Variants in CACHD1 observed in about 807,000 individuals in gnomAD.
CACHD1 encodes the protein cache domain containing 1.
CACHD1 carries 71 observed loss-of-function variants against 138.7 expected under a neutral mutation model. The observed-to-expected ratio is 0.51, with a 90% CI of 0.42 to 0.62. The LOEUF is 0.62. CACHD1 is among the 20% of genes least tolerant of loss of function. The pLI, the probability that CACHD1 is intolerant of heterozygous loss-of-function variation, is 0.00. For synonymous variants in CACHD1, 578 were observed against 591.5 expected (o/e 0.98, Z 0.33); for missense variants, 1,389 against 1,625.3 (o/e 0.85, Z 2.50).
intron 2 of CACHD1, among the ~76,000 whole-genome samples, chr1:64,574,913 A>G (rs1055366191): frequency 2.0e-5 from 3 of 152,154 alleles, no homozygotes; most frequent in Non-Finnish European, 2.9e-5. Context: ...GCTTTCCCCC[A>G]CAAGACCTTG....
At chr1:64,606,272 G>A (rs1258425872) in intron 4 of CACHD1, among the ~76,000 whole-genome samples, 1 of 152,154 alleles carries the variant, frequency 6.6e-6, no homozygotes, top group Non-Finnish European at 1.5e-5. Flanking sequence ...GCTGTCGGGG[G>A]GAGGAGCAGA....
In CACHD1 at chr1:64,652,175, G is replaced by C; in HGVS notation, c.1405G>C (p.Val469Leu). Residue 469 changes from valine (V) to leucine (L), a missense_variant, in exon 10 of 27, where the codon GTG (valine) becomes CTG (leucine). Coordinates refer to ENST00000651257, the MANE Select transcript of CACHD1 (RefSeq NM_020925.4). ...TTAACCCATAGGTTTGATAATGACT[G>C]TGAGTAAACCCTGTTATTTTGGAAA... The part of the protein sequence containing the change: ...DEMGDGLIMT[V>L]SKPCYFGNLL... The C allele has an allele frequency of 6.2e-7, 1 of 1,607,730 alleles. No individual in the cohort carries two copies. The highest frequency in any genetic ancestry group is 8.5e-7 in the Non-Finnish European group (1 of 1,178,104).
In CACHD1 at chr1:64,652,789, T is replaced by C. The variant is rs188889756; in HGVS notation, c.1540+479T>C. Reference sequence around the variant, plus strand: ...GAGAAAAGGGTACACTTGAATACTCTTAGTGGGAATGTAAATTAGGTCAGC... The same window carrying C: ...GAGAAAAGGGTACACTTGAATACTCCTAGTGGGAATGTAAATTAGGTCAGC... On this transcript the variant is annotated intron_variant, in intron 10 of 26. Transcript: ENST00000651257. 3.3e-5 allele frequency among the ~76,000 whole-genome samples: 5 copies of C among 152,276 alleles called. No individual in the cohort carries two copies. In the East Asian group the frequency reaches 9.7e-4, roughly 29 times the overall value.
At chr1:64,594,340 G>A (rs1004098822) in intron 3 of CACHD1, among the ~76,000 whole-genome samples, 2 of 151,940 alleles carry the variant, frequency 1.3e-5, no homozygotes, top group South Asian at 4.1e-4. Flanking sequence ...TCCAAATGCT[G>A]TTTTCTTTTA....
At chr1:64,610,176 G>GA (rs1557518110) in intron 4 of CACHD1, among the ~76,000 whole-genome samples, 1 of 152,182 alleles carries the variant, frequency 6.6e-6, no homozygotes, top group Non-Finnish European at 1.5e-5. Flanking sequence ...GACACATGGG[G>GA]ATTATGGAAA....
chr1:64,628,482 A>G (rs1648190174), intron 4 of CACHD1, among the ~76,000 whole-genome samples: 2 of 152,198 alleles, frequency 1.3e-5, no homozygotes, highest in Non-Finnish European at 2.9e-5. Flanking sequence ...GAAAAGAGGA[A>G]ATTCTGATTG....
chr1:64,602,882 G>A lies in CACHD1; in HGVS notation c.487G>A (p.Ala163Thr). ...ACTTTCTACTACTGTTAATAGCCGG[G>A]CCTTCAATCCAGGACGAGACTTAAA... Reference protein sequence around the residue: ...DRLSTTVNSRAFNPGRDLNSV... With the variant: ...DRLSTTVNSRTFNPGRDLNSV... The change falls in exon 4 of 27, where the codon GCC (alanine) becomes ACC (threonine). Residue 163 changes from alanine to threonine, a missense_variant. Ala to Thr is a moderately conservative substitution (Grantham distance 58, BLOSUM62 0). Transcript: ENST00000651257. The A allele has an allele frequency of 1.9e-6, 3 of 1,613,212 alleles. No individual in the cohort carries two copies. Among genetic ancestry groups the A allele is most frequent in the Non-Finnish European group, 2.5e-6 (3 of 1,179,410 alleles).
intron 24 of CACHD1, 81 bp from the exon 25 acceptor site, chr1:64,681,177 A>G (rs1650159960): frequency 1.9e-6 from 2 of 1,029,358 alleles, no homozygotes; most frequent in African/African-American, 1.6e-5. Flanking sequence ...CCAGCCATCA[A>G]ACAAGTGCTC....
intron 3 of CACHD1, among the ~76,000 whole-genome samples, chr1:64,583,284 C>G (rs1389785504): frequency 1.3e-5 from 2 of 152,032 alleles, no homozygotes; most frequent in Admixed American, 1.3e-4. Context: ...TCTGGCTTAC[C>G]CTGTCTGTGG....
intron 26 of CACHD1, among the ~76,000 whole-genome samples, chr1:64,687,589 G>A (rs375851079): frequency 5.3e-5 from 8 of 152,102 alleles, no homozygotes; most frequent in South Asian, 4.1e-4. Flanking sequence ...CATCACTACC[G>A]TCCTGGATGT....
chr1:64,480,622 A>C (rs1646202678), intron 1 of CACHD1, among the ~76,000 whole-genome samples: 1 of 152,142 alleles, frequency 6.6e-6, no homozygotes, highest in East Asian at 1.9e-4. Context: ...TGCAAAGGTA[A>C]GTGGTCAATA....
At chr1:64,678,841 AC>A (rs1261835716) in intron 23 of CACHD1, among the ~76,000 whole-genome samples, 1 of 152,134 alleles carries the variant, frequency 6.6e-6, no homozygotes, top group Non-Finnish European at 1.5e-5. Context: ...AGTCTCCAAG[AC>A]CTCAAAAATA....
chr1:64,514,367 C>G (rs1229057330), intron 1 of CACHD1, among the ~76,000 whole-genome samples: 2 of 152,174 alleles, frequency 1.3e-5, no homozygotes, highest in African/African-American at 4.8e-5. Context: ...ACAAGTCTAA[C>G]CATATGGCTC....
chr1:64,612,046 A>G (rs951446192), intron 4 of CACHD1, among the ~76,000 whole-genome samples: 18 of 152,160 alleles, frequency 1.2e-4, no homozygotes, highest in Admixed American at 8.5e-4. Flanking sequence ...GAACTGCCAA[A>G]CACTTAATGC....
At chr1:64,502,548 A>T (rs906111651) in intron 1 of CACHD1, among the ~76,000 whole-genome samples, 2 of 152,094 alleles carry the variant, frequency 1.3e-5, no homozygotes, top group African/African-American at 2.4e-5. Context: ...GTGTATGTGC[A>T]TGCATCTATG....
intron 3 of CACHD1, among the ~76,000 whole-genome samples, chr1:64,587,188 T>A (rs1227747993): frequency 6.6e-6 from 1 of 152,222 alleles, no homozygotes; most frequent in Non-Finnish European, 1.5e-5. Context: ...TTGCTTCTTC[T>A]CCAAATATAC....
chr1:64,663,759 A>G lies in CACHD1; in HGVS notation c.2016A>G (p.Pro672=). The change falls in exon 14 of 27, where the codon CCA becomes CCG. Residue 672 remains proline (P), a synonymous_variant. Transcript: ENST00000651257. ...CCCCCTATGAGCACCTCAGCCAGCC[A>G]GAGACAAAGCGCATGGTAGAGCACT... ...FSSPYEHLSQ[P]ETKRMVEHYT... The G allele has an allele frequency of 6.2e-7, 1 of 1,614,086 alleles. No individual in the cohort carries two copies. The highest frequency in any genetic ancestry group is 8.5e-7 in the Non-Finnish European group (1 of 1,179,998).
chr1:64,547,485 C>T (rs1396138489), intron 1 of CACHD1, among the ~76,000 whole-genome samples: 1 of 152,188 alleles, frequency 6.6e-6, no homozygotes, highest in Non-Finnish European at 1.5e-5. Flanking sequence ...CCTCCCTCAG[C>T]CTCCCAAGTA....
chr1:64,652,772 G>T (rs543208516), intron 10 of CACHD1, among the ~76,000 whole-genome samples: 3 of 152,114 alleles, frequency 2.0e-5, no homozygotes, highest in Admixed American at 1.3e-4. Flanking sequence ...CAGAGAAAAG[G>T]GTACACTTGA....
Sources: gnomAD v4.1 joint callset for allele counts (sites outside exome capture counted in the v4.1 genomes callset) on GRCh38, gnomAD v4.1.1 for gene constraint, MANE v1.5 for transcripts, NCBI Gene and HGNC (gene_info 2026-07-23, HGNC 2026-07-21) for gene names.